The following RBFOX1 variants were observed in gnomAD, a reference collection of about 807,000 sequenced individuals.
RBFOX1 encodes the protein RNA binding fox-1 homolog 1.
Under a neutral mutation model 57.7 loss-of-function variants are expected in RBFOX1, and 8 were observed. That is an observed-to-expected ratio of 0.14 (90% CI 0.08 to 0.25). The LOEUF (loss-of-function observed/expected upper bound fraction) is 0.25, where lower values mean the gene tolerates loss of function less well. Among genes scored for constraint, RBFOX1 ranks in the 10% least tolerant of loss-of-function variants. The pLI, the probability that RBFOX1 is intolerant of heterozygous loss-of-function variation, is 1.00. For missense variants in RBFOX1, 611 were observed against 548.5 expected (o/e 1.11, Z -1.14); for synonymous variants, 326 against 222.4 (o/e 1.47, Z -4.15).
At position 7,428,522 on chromosome 16, in the gene RBFOX1, T is replaced by C. The variant is rs1235035682; in HGVS notation, c.28-89625T>C. Among the ~76,000 whole-genome samples the C allele has an allele frequency of 4.7e-3, 687 of 145,804 alleles. 4 individuals carry two copies. Among genetic ancestry groups the C allele is most frequent in the African/African-American group, 0.016 (622 of 40,072 alleles). ...ATTATTATTATTATTATTATTATTA[T>C]TATTATTATTATTATTATTTGTAGT... is the stretch of plus-strand genomic sequence containing the variant. On this transcript the variant is annotated intron_variant, in intron 4 of 15. Transcript: ENST00000550418.
chr16:7,478,700 GA>G (rs1296353056), intron 4 of RBFOX1, among the ~76,000 whole-genome samples: 1 of 152,142 alleles, frequency 6.6e-6, no homozygotes, highest in Non-Finnish European at 1.5e-5. Context: ...CTCTGAATAT[GA>G]AAAATTCAAT....
intron 3 of RBFOX1, among the ~76,000 whole-genome samples, chr16:6,819,446 C>A (rs1354594233): frequency 1.3e-5 from 2 of 152,090 alleles, no homozygotes; most frequent in Non-Finnish European, 2.9e-5. Context: ...GGCATGGTGG[C>A]TGAGGCCAGT....
At chr16:5,555,838 A>T (rs2045651204) in intron 2 of RBFOX1, among the ~76,000 whole-genome samples, 1 of 152,042 alleles carries the variant, frequency 6.6e-6, no homozygotes, top group African/African-American at 2.4e-5. Flanking sequence ...CCTCACCAAT[A>T]TGGGAAAACC....
intron 3 of RBFOX1, among the ~76,000 whole-genome samples, chr16:5,629,898 G>A (rs35025166): frequency 6.6e-6 from 1 of 152,176 alleles, no homozygotes; most frequent in Non-Finnish European, 1.5e-5. Flanking sequence ...ACCCATCTTA[G>A]GGTGTTGTAG....
In RBFOX1 at chr16:5,515,987, G is replaced by A. The variant is rs370258546; in HGVS notation, c.258+48733G>A. 2.4e-4 allele frequency among the ~76,000 whole-genome samples: 36 copies of A among 152,284 alleles called. No individual in the cohort carries two copies. The South Asian group carries it at 5.0e-3, about 21-fold the overall frequency. On this transcript the variant is annotated intron_variant, in intron 2 of 2. Coordinates refer to the RBFOX1 transcript ENST00000585867. ...CCACCAAATCAGAGAGCACCAGAGC[G>A]TATTTGAGCCCAGGAGCTTAGCCAC...
chr16:6,898,457 T>C (rs2067524345), intron 3 of RBFOX1, among the ~76,000 whole-genome samples: 1 of 152,166 alleles, frequency 6.6e-6, no homozygotes, highest in Admixed American at 6.5e-5. Context: ...ATCAGCTCTA[T>C]CAATTATTTA....
At chr16:7,268,516 T>C (rs2095235180) in intron 4 of RBFOX1, among the ~76,000 whole-genome samples, 1 of 152,216 alleles carries the variant, frequency 6.6e-6, no homozygotes, top group Non-Finnish European at 1.5e-5. Flanking sequence ...TGCGGTAATA[T>C]GTTCTAATGA....
chr16:5,571,049 ATTTCT>A lies in RBFOX1; in HGVS notation c.259-27845_259-27841del, dbSNP rs79753383. On this transcript the variant is annotated intron_variant, in intron 2 of 2. Coordinates refer to the RBFOX1 transcript ENST00000585867. ...AATCTCTTGGATCTTTGCTGGTGAG[ATTTCT>A]TTTCTTTAGTTGTTTTTGATGTCTG... is the stretch of plus-strand genomic sequence containing the variant. Among the ~76,000 whole-genome samples, 79 of 151,436 alleles carry A rather than the reference ATTTCT, an allele frequency of 5.2e-4. No homozygotes were observed. In the East Asian group the frequency reaches 0.01, roughly 20 times the overall value.
At chr16:7,699,357 G>A (rs2079887111) in intron 14 of RBFOX1, among the ~76,000 whole-genome samples, 1 of 152,082 alleles carries the variant, frequency 6.6e-6, no homozygotes, top group Admixed American at 6.5e-5. Context: ...ACACCCAGCT[G>A]ATATCTTAAT....
At chr16:6,168,583 C>T (rs11643933) in intron 1 of RBFOX1, among the ~76,000 whole-genome samples, 5,661 of 152,238 alleles carry the variant, frequency 0.037, 163 homozygotes, top group Non-Finnish European at 0.058. Flanking sequence ...CGTCAGATAA[C>T]AGATAATCAA....
chr16:6,438,843 C>G (rs1181603172), intron 2 of RBFOX1, among the ~76,000 whole-genome samples: 1 of 152,122 alleles, frequency 6.6e-6, no homozygotes, highest in African/African-American at 2.4e-5. Flanking sequence ...CACCACTGTA[C>G]CTGAGTATTC....
chr16:6,210,036 G>C (rs888446292), intron 1 of RBFOX1, among the ~76,000 whole-genome samples: 1 of 151,806 alleles, frequency 6.6e-6, no homozygotes, highest in Non-Finnish European at 1.5e-5. Context: ...CTTACAAAGG[G>C]GCCAGGCATG....
chr16:5,594,000 C>T (rs561751611), intron 2 of RBFOX1, among the ~76,000 whole-genome samples: 2 of 152,068 alleles, frequency 1.3e-5, no homozygotes, highest in Admixed American at 6.5e-5. Flanking sequence ...TGCCCCCACA[C>T]CTTCTGCCCA....
intron 2 of RBFOX1, among the ~76,000 whole-genome samples, chr16:6,510,569 C>G (rs1374426655): frequency 6.6e-6 from 1 of 152,130 alleles, no homozygotes; most frequent in Non-Finnish European, 1.5e-5. Flanking sequence ...CTGTTGGATT[C>G]CATGTGATGG....
chr16:5,682,516 C>T (rs1180806021), intron 3 of RBFOX1, among the ~76,000 whole-genome samples: 2 of 152,144 alleles, frequency 1.3e-5, no homozygotes, highest in Non-Finnish European at 2.9e-5. Flanking sequence ...AAGAGATGAC[C>T]ATTTGTTAAT....
chr16:7,456,952 G>A (rs993170742), intron 4 of RBFOX1, among the ~76,000 whole-genome samples: 1 of 151,666 alleles, frequency 6.6e-6, no homozygotes, highest in Non-Finnish European at 1.5e-5. Flanking sequence ...GTGCAATGGC[G>A]CGATCCCGGC....
intron 4 of RBFOX1, among the ~76,000 whole-genome samples, chr16:7,465,482 G>A (rs1434887179): frequency 6.6e-6 from 1 of 152,228 alleles, no homozygotes; most frequent in Non-Finnish European, 1.5e-5. Context: ...CCTATAAGGA[G>A]TCTTGTGCAT....
chr16:7,068,950 G>A (rs1427244694), intron 4 of RBFOX1, among the ~76,000 whole-genome samples: 1 of 152,184 alleles, frequency 6.6e-6, no homozygotes, highest in Non-Finnish European at 1.5e-5. Flanking sequence ...GTCAAGTAAG[G>A]TAATGAGAAT....
intron 4 of RBFOX1, among the ~76,000 whole-genome samples, chr16:7,395,698 T>A (rs918587475): frequency 6.6e-6 from 1 of 152,240 alleles, no homozygotes; most frequent in African/African-American, 2.4e-5. Flanking sequence ...TCTATAGACT[T>A]GCAAATGCTC....
Sources: gnomAD v4.1 joint callset for allele counts (sites outside exome capture counted in the v4.1 genomes callset) on GRCh38, gnomAD v4.1.1 for gene constraint, MANE v1.5 for transcripts, NCBI Gene and HGNC (gene_info 2026-07-23, HGNC 2026-07-21) for gene names.